Variants in TAFA1 observed in about 807,000 individuals in gnomAD.
TAFA1 encodes the protein chemokine-like protein TAFA-1.
Under a neutral mutation model 18.5 loss-of-function variants are expected in TAFA1, and 4 were observed. The ratio of observed to expected loss-of-function variants is 0.22; its 90% CI spans 0.11 to 0.49. The LOEUF is 0.49. Among genes scored for constraint, TAFA1 ranks in the 20% least tolerant of loss-of-function variants. TAFA1 has a pLI of 0.98. For synonymous variants in TAFA1, 56 were observed against 55.2 expected, an observed-to-expected ratio of 1.01 and a Z score of -0.06; for missense variants, 147 against 169.0, an observed-to-expected ratio of 0.87 and a Z score of 0.72.
At chr3:68,356,154 C>T (rs1187212547) in intron 2 of TAFA1, among the ~76,000 whole-genome samples, 1 of 151,688 alleles carries the variant, frequency 6.6e-6, no homozygotes, top group Non-Finnish European at 1.5e-5. Context: ...AGAGGGATGT[C>T]CTGCACTAGA....
intron 2 of TAFA1, among the ~76,000 whole-genome samples, chr3:68,107,230 A>G (rs1447040331): frequency 1.3e-5 from 2 of 152,126 alleles, no homozygotes; most frequent in Non-Finnish European, 2.9e-5. Context: ...TTTTGGGGAA[A>G]GGGGAAGAGT....
intron 2 of TAFA1, among the ~76,000 whole-genome samples, chr3:68,248,593 C>T: frequency 6.6e-6 from 1 of 151,782 alleles, no homozygotes; most frequent in Non-Finnish European, 1.5e-5. Flanking sequence ...TAAGCATACC[C>T]TGAGAATGAC....
At chr3:68,246,279 C>G (rs937409790) in intron 2 of TAFA1, among the ~76,000 whole-genome samples, 10 of 152,092 alleles carry the variant, frequency 6.6e-5, no homozygotes, top group Non-Finnish European at 1.0e-4. Flanking sequence ...GTCCTTTGGT[C>G]TCAATATTTT....
intron 2 of TAFA1, among the ~76,000 whole-genome samples, chr3:68,331,761 A>G (rs757124240): frequency 6.6e-6 from 1 of 152,148 alleles, no homozygotes; most frequent in Admixed American, 6.5e-5. Context: ...GGAACAGAAC[A>G]GAAAGGACAG....
chr3:68,179,696 T>G (rs2066171137), intron 2 of TAFA1, among the ~76,000 whole-genome samples: 1 of 152,206 alleles, frequency 6.6e-6, no homozygotes, highest in African/African-American at 2.4e-5. Flanking sequence ...CTGCCTCTTC[T>G]TGATGTAACC....
At chr3:68,126,453 C>G (rs1171046288) in intron 2 of TAFA1, among the ~76,000 whole-genome samples, 3 of 152,234 alleles carry the variant, frequency 2.0e-5, no homozygotes, top group African/African-American at 7.2e-5. Flanking sequence ...TTACATCTAT[C>G]TTTGGTCCTG....
intron 2 of TAFA1, among the ~76,000 whole-genome samples, chr3:68,358,890 G>GA (rs5849829): frequency 0.49 from 73,963 of 151,538 alleles, 18,505 homozygotes; most frequent in East Asian, 0.73. Context: ...TCTGTTTCCA[G>GA]CCTACCTAAG....
At chr3:68,416,308 T>G (rs192349787) in intron 2 of TAFA1, among the ~76,000 whole-genome samples, 136 of 152,354 alleles carry the variant, frequency 8.9e-4, no homozygotes, top group Middle Eastern at 6.8e-3. Context: ...GTACAGGAGA[T>G]GTATTCTCAT....
In TAFA1 at chr3:68,439,412, C is replaced by CATATATATATATATATATATATATATAT. The variant is rs57059146; in HGVS notation, c.259+21997_259+22024dup. Among the ~76,000 whole-genome samples, 56 of 73,416 alleles carry CATATATATATATATATATATATATATAT rather than the reference C, an allele frequency of 7.6e-4. 3 individuals are homozygous for CATATATATATATATATATATATATATAT. Among genetic ancestry groups the CATATATATATATATATATATATATATAT allele is most frequent in the Non-Finnish European group, 1.1e-3 (46 of 41,374 alleles). The allele number at this position is 73,416 out of a possible 152,430, so 48.2% of individuals were successfully genotyped here. A position where few individuals can be genotyped will look rare whatever the true frequency, so the allele number is the denominator to read the frequency against. On this transcript the variant is annotated intron_variant, in intron 3 of 4. Coordinates refer to ENST00000478136, the MANE Select transcript of TAFA1 (RefSeq NM_213609.4). ...AGAAGTAATAGAATATATATACATA[C>CATATATATATATATATATATATATATAT]ATATATATATATATATATATATATA...
At chr3:68,143,795 T>C (rs1347912796) in intron 2 of TAFA1, among the ~76,000 whole-genome samples, 1 of 152,150 alleles carries the variant, frequency 6.6e-6, no homozygotes, top group African/African-American at 2.4e-5. Context: ...AGATGGGTCA[T>C]TCCTGGAGAC....
At chr3:68,153,366 C>A (rs1216960447) in intron 2 of TAFA1, among the ~76,000 whole-genome samples, 1 of 152,010 alleles carries the variant, frequency 6.6e-6, no homozygotes, top group African/African-American at 2.4e-5. Context: ...TTTCAAGGAC[C>A]AGTTAAAAAG....
At chr3:68,106,600 T>C (rs1321176253) in intron 2 of TAFA1, among the ~76,000 whole-genome samples, 1 of 152,086 alleles carries the variant, frequency 6.6e-6, no homozygotes, top group Non-Finnish European at 1.5e-5. Flanking sequence ...TTAAGCTTTA[T>C]GAATACAAAA....
chr3:68,039,875 G>A (rs553127311), intron 2 of TAFA1, among the ~76,000 whole-genome samples: 6 of 152,146 alleles, frequency 3.9e-5, no homozygotes, highest in Admixed American at 1.3e-4. Context: ...CATTGGAGGG[G>A]TGAATAAACC....
At chr3:68,220,407 C>CTTTTA (rs778344418) in intron 2 of TAFA1, among the ~76,000 whole-genome samples, 15 of 152,030 alleles carry the variant, frequency 9.9e-5, no homozygotes, top group Non-Finnish European at 1.9e-4. Context: ...AGGCTCACAA[C>CTTTTA]TTTAGCACAT....
At chr3:68,095,409 A>T (rs2065076518) in intron 2 of TAFA1, among the ~76,000 whole-genome samples, 3 of 152,172 alleles carry the variant, frequency 2.0e-5, no homozygotes, top group African/African-American at 7.2e-5. Context: ...AGGCACTCAG[A>T]CATAAAAAGC....
intron 2 of TAFA1, among the ~76,000 whole-genome samples, chr3:68,117,148 C>T (rs2065334041): frequency 1.3e-5 from 2 of 152,142 alleles, no homozygotes. Context: ...TGTTTTATTA[C>T]ACTGTGGTCT....
intron 2 of TAFA1, among the ~76,000 whole-genome samples, chr3:68,271,492 C>G (rs1472954814): frequency 1.3e-5 from 2 of 152,078 alleles, no homozygotes; most frequent in South Asian, 4.1e-4. Context: ...GGTATTATTC[C>G]AAGAAGAAAG....
intron 3 of TAFA1, among the ~76,000 whole-genome samples, chr3:68,535,794 A>G (rs1357635490): frequency 6.6e-6 from 1 of 152,106 alleles, no homozygotes; most frequent in Admixed American, 6.6e-5. Flanking sequence ...TATGAGCTCT[A>G]CTGGCCATAG....
At position 68,345,336 on chromosome 3, in the gene TAFA1, C is replaced by T. The variant is rs116563867; in HGVS notation, c.119-71944C>T. Reference sequence around the variant, plus strand: ...TAGAAGAAGAAATCAGAATCAAGGACCAGTGAGTGGCTGCTGTGTATTTCT... The same window carrying T: ...TAGAAGAAGAAATCAGAATCAAGGATCAGTGAGTGGCTGCTGTGTATTTCT... On this transcript the variant is annotated intron_variant, in intron 2 of 4. Transcript: ENST00000478136. Among the ~76,000 whole-genome samples the T allele has an allele frequency of 3.2e-3, 481 of 152,264 alleles. 4 individuals carry two copies. Among genetic ancestry groups the T allele is most frequent in the African/African-American group, 0.011 (450 of 41,554 alleles).
Sources: gnomAD v4.1 joint callset for allele counts (sites outside exome capture counted in the v4.1 genomes callset) on GRCh38, gnomAD v4.1.1 for gene constraint, MANE v1.5 for transcripts, NCBI Gene and HGNC (gene_info 2026-07-23, HGNC 2026-07-21) for gene names.